KCNIP1: variants seen among roughly 807,000 people sequenced by gnomAD.
KCNIP1 encodes the protein A-type potassium channel modulatory protein KCNIP1.
In KCNIP1, 18 loss-of-function variants were observed where a neutral mutation model predicts 33.0. The ratio of observed to expected loss-of-function variants is 0.55; its 90% CI spans 0.38 to 0.81. The LOEUF (loss-of-function observed/expected upper bound fraction) is 0.81. KCNIP1 is among the 30% of genes least tolerant of loss of function. The pLI is 0.00. For synonymous variants in KCNIP1, 93 were observed against 98.3 expected, an observed-to-expected ratio of 0.95 and a Z score of 0.32; for missense variants, 238 against 271.6, an observed-to-expected ratio of 0.88 and a Z score of 0.87.
intron 1 of KCNIP1, among the ~76,000 whole-genome samples, chr5:170,405,627 C>A (rs1219212831): frequency 6.6e-6 from 1 of 152,242 alleles, no homozygotes; most frequent in African/African-American, 2.4e-5. Context: ...CACAACTGGG[C>A]AGACCCTTCC....
rs562273145 is a variant in KCNIP1, at chr5:170,539,682, C to T, written c.61+35049C>T. The stretch of plus-strand genomic sequence containing the variant: ...TTGTCCTCGCTAGACTTCAAGCCCC[C>T]GAAGAGCAGGGACCTGGCCTGCCTG... On this transcript the variant is annotated intron_variant, in intron 1 of 7. Coordinates refer to ENST00000328939, the MANE Select transcript of KCNIP1 (RefSeq NM_014592.4). Among the ~76,000 whole-genome samples, 9 of 152,290 alleles carry T rather than the reference C, an allele frequency of 5.9e-5. No individual in the cohort carries two copies. In the South Asian group the frequency reaches 1.0e-3, roughly 18 times the overall value.
chr5:170,371,777 G>T (rs984289026), intron 1 of KCNIP1, among the ~76,000 whole-genome samples: 5 of 152,340 alleles, frequency 3.3e-5, no homozygotes, highest in African/African-American at 1.2e-4. Flanking sequence ...ATGCCCAAAT[G>T]AAAGTGGCTC....
intron 1 of KCNIP1, among the ~76,000 whole-genome samples, chr5:170,522,463 T>C (rs980540535): frequency 7.9e-5 from 12 of 152,228 alleles, no homozygotes; most frequent in Admixed American, 7.8e-4. Context: ...GCATGGCAGT[T>C]GCATTTCTCA....
At chr5:170,632,243 C>T (rs1760076547) in intron 1 of KCNIP1, among the ~76,000 whole-genome samples, 1 of 152,206 alleles carries the variant, frequency 6.6e-6, no homozygotes. Flanking sequence ...GAGAGACCCT[C>T]AGAAAACCCC....
chr5:170,356,062 A>C (rs1763339194), intron 1 of KCNIP1, among the ~76,000 whole-genome samples: 1 of 152,248 alleles, frequency 6.6e-6, no homozygotes, highest in Non-Finnish European at 1.5e-5. Flanking sequence ...ACATGGGAGC[A>C]GGGCCAGGCT....
chr5:170,435,431 G>T (rs1755839906), intron 1 of KCNIP1, among the ~76,000 whole-genome samples: 1 of 152,196 alleles, frequency 6.6e-6, no homozygotes, highest in African/African-American at 2.4e-5. Context: ...GCGCCTGTAG[G>T]TGCAGACAGC....
At chr5:170,708,890 C>A (rs572460809) in intron 1 of KCNIP1, among the ~76,000 whole-genome samples, 22 of 152,188 alleles carry the variant, frequency 1.4e-4, no homozygotes, top group African/African-American at 5.3e-4. Flanking sequence ...CATAGCGAGA[C>A]CCTGTCTCAA....
intron 1 of KCNIP1, among the ~76,000 whole-genome samples, chr5:170,519,498 G>A (rs1372470925): frequency 6.6e-6 from 1 of 152,196 alleles, no homozygotes; most frequent in Non-Finnish European, 1.5e-5. Flanking sequence ...TTTCTGCTGA[G>A]CCTTACTGTC....
chr5:170,408,255 C>T (rs1332333260), intron 1 of KCNIP1, among the ~76,000 whole-genome samples: 1 of 152,124 alleles, frequency 6.6e-6, no homozygotes, highest in East Asian at 1.9e-4. Context: ...TATTGACTGG[C>T]AGAGAACTGT....
chr5:170,451,979 G>C (rs1404336534), intron 1 of KCNIP1, among the ~76,000 whole-genome samples: 1 of 110,522 alleles, frequency 9.0e-6, no homozygotes, highest in East Asian at 2.2e-4. Context: ...GGTGGCTATT[G>C]TCATGGAGTG....
chr5:170,503,158 G>A (rs901501144), upstream of KCNIP1, among the ~76,000 whole-genome samples: 2 of 152,140 alleles, frequency 1.3e-5, no homozygotes, highest in African/African-American at 2.4e-5. Context: ...GGGAGGCCAA[G>A]GCGGGTGGAT....
At chr5:170,672,804 G>A (rs1268786628) in intron 1 of KCNIP1, among the ~76,000 whole-genome samples, 1 of 152,250 alleles carries the variant, frequency 6.6e-6, no homozygotes, top group African/African-American at 2.4e-5. Flanking sequence ...GTGTAGGAAG[G>A]CAAGCATTGT....
intron 1 of KCNIP1, among the ~76,000 whole-genome samples, chr5:170,404,769 TG>T (rs540430121): frequency 6.6e-6 from 1 of 152,232 alleles, no homozygotes; most frequent in Non-Finnish European, 1.5e-5. Flanking sequence ...TATTTCTTGA[TG>T]GAGGAACTAC....
chr5:170,705,939 C>A (rs898290212), intron 1 of KCNIP1, among the ~76,000 whole-genome samples: 3 of 152,136 alleles, frequency 2.0e-5, no homozygotes, highest in African/African-American at 7.2e-5. Context: ...TCTTACATAC[C>A]TTATCTCACT....
intron 1 of KCNIP1, among the ~76,000 whole-genome samples, chr5:170,473,791 C>T (rs1166781410): frequency 1.3e-5 from 2 of 152,198 alleles, no homozygotes; most frequent in Admixed American, 6.5e-5. Context: ...AGCAATTCAC[C>T]CCCAGGGAAG....
Position 170,584,946 on chromosome 5 carries a change from C to G in KCNIP1, c.61+80313C>G, listed in dbSNP as rs548209759. On this transcript the variant is annotated intron_variant, in intron 1 of 7. Coordinates refer to ENST00000328939, the MANE Select transcript of KCNIP1 (RefSeq NM_014592.4). ...ACAGTCATCAGTGTGGCCCCATCTA[C>G]TAGTGCTCTCCAAGTCCAGCAATGT... Among the ~76,000 whole-genome samples the G allele has an allele frequency of 2.6e-5, 4 of 152,268 alleles. No homozygotes were observed. The South Asian group carries it at 8.3e-4, about 32-fold the overall frequency.
intron 1 of KCNIP1, among the ~76,000 whole-genome samples, chr5:170,595,402 G>A (rs553541611): frequency 3.1e-4 from 47 of 152,356 alleles, no homozygotes; most frequent in African/African-American, 1.1e-3. Flanking sequence ...ATGTGTGGCT[G>A]GCTGAAGAAG....
intron 1 of KCNIP1, among the ~76,000 whole-genome samples, chr5:170,484,951 T>G (rs1757054968): frequency 6.7e-6 from 1 of 149,180 alleles, no homozygotes; most frequent in Non-Finnish European, 1.5e-5. Context: ...TCTTTTTTTT[T>G]TTTTTTGAGA....
intron 1 of KCNIP1, among the ~76,000 whole-genome samples, chr5:170,684,136 G>A (rs1156262549): frequency 6.6e-6 from 1 of 152,150 alleles, no homozygotes; most frequent in Admixed American, 6.5e-5. Context: ...TTCTGGTTGT[G>A]CCATTTATCA....
Sources: allele counts gnomAD v4.1 joint callset (sites outside exome capture counted in the v4.1 genomes callset), GRCh38; gene constraint gnomAD v4.1.1; transcripts MANE v1.5; gene names NCBI Gene and HGNC (gene_info 2026-07-23, HGNC 2026-07-21).